The following SLC2A13 variants were observed in gnomAD, a reference collection of about 807,000 sequenced individuals.
SLC2A13 encodes proton myo-inositol cotransporter.
SLC2A13 carries 32 observed loss-of-function variants against 64.4 expected under a neutral mutation model. The ratio of observed to expected loss-of-function variants is 0.50; its 90% CI spans 0.37 to 0.67. The LOEUF (loss-of-function observed/expected upper bound fraction) is 0.67. SLC2A13 is among the 30% of genes least tolerant of loss of function. The pLI is 0.00. For synonymous variants in SLC2A13, 338 were observed against 327.1 expected, an observed-to-expected ratio of 1.03 and a Z score of -0.36; for missense variants, 743 against 829.2, an observed-to-expected ratio of 0.90 and a Z score of 1.28.
chr12:40,029,948 T>C, intron 2 of SLC2A13, among the ~76,000 whole-genome samples: 1 of 152,214 alleles, frequency 6.6e-6, no homozygotes, highest in East Asian at 1.9e-4. Context: ...TCTTGTATTA[T>C]AATACATTAT....
intron 1 of SLC2A13, among the ~76,000 whole-genome samples, chr12:40,055,759 A>G (rs1005473807): frequency 6.6e-6 from 1 of 152,102 alleles, no homozygotes; most frequent in Non-Finnish European, 1.5e-5. Flanking sequence ...CTCATAGATA[A>G]CCACTGTTTA....
At chr12:39,784,750 C>T (rs7296184) in intron 7 of SLC2A13, among the ~76,000 whole-genome samples, 149,128 of 152,202 alleles carry the variant, frequency 0.98, 73,069 homozygotes, top group East Asian at 1. Flanking sequence ...TAAAGAGCTT[C>T]TGCACAGCAA....
chr12:39,941,409 G>T, intron 4 of SLC2A13, among the ~76,000 whole-genome samples: 1 of 152,112 alleles, frequency 6.6e-6, no homozygotes, highest in Non-Finnish European at 1.5e-5. Flanking sequence ...AGTGCTCCCT[G>T]TTGACCACAT....
intron 4 of SLC2A13, among the ~76,000 whole-genome samples, chr12:39,918,069 C>T (rs760046174): frequency 2.0e-5 from 3 of 152,020 alleles, no homozygotes; most frequent in Non-Finnish European, 4.4e-5. Flanking sequence ...CTACTATGTG[C>T]AAAGTCATTA....
chr12:40,060,096 CATGG>C (rs567067359), intron 1 of SLC2A13, among the ~76,000 whole-genome samples: 31 of 151,316 alleles, frequency 2.0e-4, no homozygotes, highest in Non-Finnish European at 3.5e-4. Flanking sequence ...TGGATGGATG[CATGG>C]ATGGATGGAT....
intron 3 of SLC2A13, among the ~76,000 whole-genome samples, chr12:39,985,443 T>C (rs754572047): frequency 1.3e-5 from 2 of 151,960 alleles, no homozygotes; most frequent in Non-Finnish European, 2.9e-5. Context: ...ATTAAGGAAC[T>C]GACTAAAATG....
chr12:39,796,915 T>C (rs993746438), intron 7 of SLC2A13, among the ~76,000 whole-genome samples: 1 of 152,198 alleles, frequency 6.6e-6, no homozygotes, highest in African/African-American at 2.4e-5. Context: ...TGAAGCTGCT[T>C]ATTAAAGAAT....
At chr12:39,992,735 T>C (rs942711227) in intron 3 of SLC2A13, among the ~76,000 whole-genome samples, 2 of 152,168 alleles carry the variant, frequency 1.3e-5, no homozygotes, top group East Asian at 3.9e-4. Flanking sequence ...CATTATAGTT[T>C]ACATTTGGGA....
intron 6 of SLC2A13, 159 bp from the exon 7 acceptor site, chr12:39,830,387 G>C: frequency 7.2e-7 from 1 of 1,387,450 alleles, no homozygotes; most frequent in Non-Finnish European, 9.3e-7. Context: ...CGCTGAGCCA[G>C]GTGAGAGCTG....
At chr12:40,009,891 A>C (rs1316274588) in intron 3 of SLC2A13, among the ~76,000 whole-genome samples, 2 of 152,242 alleles carry the variant, frequency 1.3e-5, no homozygotes, top group Admixed American at 6.5e-5. Flanking sequence ...TTTCTATTAG[A>C]AACAGTGATG....
chr12:39,969,455 G>A (rs970396274), intron 3 of SLC2A13, among the ~76,000 whole-genome samples: 16 of 152,286 alleles, frequency 1.1e-4, no homozygotes, highest in Non-Finnish European at 1.6e-4. Flanking sequence ...ATCCTCTCCA[G>A]CACCTGTTGT....
At chr12:39,893,652 TA>T (rs1198083424) in intron 4 of SLC2A13, among the ~76,000 whole-genome samples, 4 of 152,194 alleles carry the variant, frequency 2.6e-5, no homozygotes, top group African/African-American at 7.2e-5. Flanking sequence ...AAAAGTAAGA[TA>T]AAAGTTAAAT....
rs113190016 is a variant in SLC2A13, at chr12:40,022,745, G to A, written c.925+5556C>T. 2.5e-3 allele frequency among the ~76,000 whole-genome samples: 381 copies of A among 152,226 alleles called. 1 individual carries two copies. The highest frequency in any genetic ancestry group is 8.2e-3 in the African/African-American group (342 of 41,540). ...CCCAGCTACTGGGGAGGCTGAGGCA[G>A]GGGAATCACTTGAACCCAGGAGGCA... On this transcript the variant is annotated intron_variant, in intron 3 of 9. Transcript: ENST00000280871.
rs1947860433 is a variant in SLC2A13 at position 40,028,598 on chromosome 12, T to A, written c.717-89A>T. 3 of 1,231,194 alleles carry A rather than the reference T, an allele frequency of 2.4e-6. No homozygotes were observed. In the African/African-American group the frequency reaches 4.6e-5, roughly 19 times the overall value. The allele number at this position is 1,231,194 out of a possible 1,614,324, so 76.3% of individuals were successfully genotyped here. On this transcript the variant is annotated intron_variant, in intron 2 of 9. Coordinates refer to ENST00000280871, the MANE Select transcript of SLC2A13 (RefSeq NM_052885.4). ...TACTTTTGTGTTGTGTTGACAACAATAATACTTACTGTGAAGTTAGCCAGA... is the reference window on the plus strand; with the variant it reads ...TACTTTTGTGTTGTGTTGACAACAAAAATACTTACTGTGAAGTTAGCCAGA...
chr12:40,051,493 G>A (rs146083151), intron 1 of SLC2A13, among the ~76,000 whole-genome samples: 57 of 152,264 alleles, frequency 3.7e-4, no homozygotes, highest in African/African-American at 1.2e-3. Context: ...CTCTGTTCTC[G>A]TGGAGCTTAG....
chr12:39,993,972 C>T (rs1256701449), intron 3 of SLC2A13, among the ~76,000 whole-genome samples: 1 of 152,128 alleles, frequency 6.6e-6, no homozygotes, highest in East Asian at 1.9e-4. Flanking sequence ...TAAAAATTCT[C>T]ATCATTTAGC....
intron 4 of SLC2A13, among the ~76,000 whole-genome samples, chr12:39,909,513 C>T (rs765097854): frequency 6.6e-6 from 1 of 152,054 alleles, no homozygotes. Flanking sequence ...TTTCAGAACA[C>T]TCATTAAATA....
chr12:39,899,073 T>C (rs1298729344), intron 4 of SLC2A13, among the ~76,000 whole-genome samples: 1 of 152,148 alleles, frequency 6.6e-6, no homozygotes, highest in East Asian at 1.9e-4. Flanking sequence ...TTCCTCCTTG[T>C]ACCTCTGGTA....
At position 40,094,185 on chromosome 12, in the gene SLC2A13, A is replaced by G. The variant is rs1324601464; in HGVS notation, c.556+11068T>C. Among the ~76,000 whole-genome samples the G allele has an allele frequency of 2.6e-5, 4 of 152,320 alleles. No individual in the cohort carries two copies. The East Asian group carries it at 5.8e-4, about 22-fold the overall frequency. ...CTCCAAGGCTTTTGGTGCAAGCCCC[A>G]GGAGGAATGCTCTGACCTGCTAAGC... On this transcript the variant is annotated intron_variant, in intron 1 of 9. Coordinates refer to ENST00000280871, the MANE Select transcript of SLC2A13 (RefSeq NM_052885.4).
Sources: gnomAD v4.1 joint callset for allele counts (sites outside exome capture counted in the v4.1 genomes callset) on GRCh38, gnomAD v4.1.1 for gene constraint, MANE v1.5 for transcripts, NCBI Gene and HGNC (gene_info 2026-07-23, HGNC 2026-07-21) for gene names.